The following PREX1 variants were observed in gnomAD, a reference collection of about 807,000 sequenced individuals.
PREX1 encodes the protein phosphatidylinositol-3,4,5-trisphosphate dependent Rac exchange factor 1.
PREX1 carries 41 observed loss-of-function variants against 198.3 expected under a neutral mutation model. That is an observed-to-expected ratio of 0.21 (90% CI 0.16 to 0.27). The LOEUF (loss-of-function observed/expected upper bound fraction) is 0.27. PREX1 is among the 10% of genes least tolerant of loss of function. The pLI, the probability that PREX1 is intolerant of heterozygous loss-of-function variation, is 1.00. For synonymous variants in PREX1, 843 were observed against 887.2 expected (o/e 0.95, Z 0.89); for missense variants, 1,620 against 2,200.7 (o/e 0.74, Z 5.28).
At chr20:48,713,758 AAGAG>A (rs1555837387) in intron 5 of PREX1, among the ~76,000 whole-genome samples, 8,285 of 150,250 alleles carry the variant, frequency 0.055, 336 homozygotes, top group Middle Eastern at 0.14. Context: ...AAAAAAAAAA[AAGAG>A]AGAGAGAGAT....
At chr20:48,646,918 T>C (rs1421312460) in intron 25 of PREX1, among the ~76,000 whole-genome samples, 3 of 152,200 alleles carry the variant, frequency 2.0e-5, no homozygotes, top group Non-Finnish European at 2.9e-5. Context: ...ATCTATATCT[T>C]AGGCTTCTGT....
intron 1 of PREX1, among the ~76,000 whole-genome samples, chr20:48,792,556 G>A (rs1173826837): frequency 2.6e-5 from 4 of 151,902 alleles, no homozygotes; most frequent in African/African-American, 4.8e-5. Context: ...TCACTCAATC[G>A]TCCCAAGAAA....
At chr20:48,748,635 G>GAA (rs2090120237) in intron 1 of PREX1, among the ~76,000 whole-genome samples, 2 of 152,162 alleles carry the variant, frequency 1.3e-5, no homozygotes, top group African/African-American at 4.8e-5. Context: ...AATGGACCAT[G>GAA]GTCCTTCTAC....
At chr20:48,632,906 G>A (rs1189650316) in intron 33 of PREX1, among the ~76,000 whole-genome samples, 1 of 152,174 alleles carries the variant, frequency 6.6e-6, no homozygotes, top group African/African-American at 2.4e-5. Context: ...TCAGCTCCTA[G>A]TTCCGCTGCT....
At chr20:48,766,813 GGTGA>G (rs1764148873) in intron 1 of PREX1, among the ~76,000 whole-genome samples, 3 of 152,174 alleles carry the variant, frequency 2.0e-5, no homozygotes, top group Admixed American at 2.0e-4. Context: ...GCTCATTCTT[GGTGA>G]GTGAGTGGAT....
At chr20:48,647,724 G>T (rs2089462062) in intron 25 of PREX1, among the ~76,000 whole-genome samples, 1 of 152,070 alleles carries the variant, frequency 6.6e-6, no homozygotes, top group Non-Finnish European at 1.5e-5. Context: ...GCCAGGATTT[G>T]AACCCAGGCC....
rs546128729 is a variant in PREX1 at position 48,805,436 on chromosome 20, G to A, written c.219+22206C>T. Among the ~76,000 whole-genome samples, 7 of 152,364 alleles carry A rather than the reference G, an allele frequency of 4.6e-5. No homozygotes were observed. In the South Asian group the frequency reaches 1.4e-3, roughly 32 times the overall value. On this transcript the variant is annotated intron_variant, in intron 1 of 39. Coordinates refer to ENST00000371941, the MANE Select transcript of PREX1 (RefSeq NM_020820.4). ...CTCTCTGCCAAGTGCAGCTCTTCAGGAGCAGAAACAGAGAGACCCCCTCCA... is the reference window on the plus strand; with the variant it reads ...CTCTCTGCCAAGTGCAGCTCTTCAGAAGCAGAAACAGAGAGACCCCCTCCA...
At chr20:48,841,104 A>G in the PREX1 span, among the ~76,000 whole-genome samples, 1 of 152,036 alleles carries the variant, frequency 6.6e-6, no homozygotes, top group Non-Finnish European at 1.5e-5. Flanking sequence ...CATGTTTTGC[A>G]GATACGGGGT....
Position 48,708,362 on chromosome 20 carries a change from C to T in PREX1, c.681G>A (p.Leu227=). 2 of 1,614,158 alleles carry T rather than the reference C, an allele frequency of 1.2e-6. No individual in the cohort carries two copies. Among genetic ancestry groups the T allele is most frequent in the Non-Finnish European group, 8.5e-7 (1 of 1,180,038 alleles). The change falls in exon 6 of 40, where the codon CTG becomes CTA. Residue 227 remains leucine (L), a synonymous_variant. Transcript: ENST00000371941. The part of the protein sequence containing the change: ...HPDHPAVQSA[L]QAMKTVCSNI... ...TGGAGCAAACGGTCTTCATGGCCTG[C>T]AGGGCACTCTGGACCGCGGGGTGGT...
intron 27 of PREX1, 122 bp downstream of exon 27, chr20:48,644,287 G>T (rs1386296430): frequency 2.1e-5 from 17 of 826,672 alleles, no homozygotes; most frequent in Admixed American, 9.3e-5. Context: ...ATCAAGTACA[G>T]GACCATGCAA....
chr20:48,755,575 C>T (rs766804112), intron 1 of PREX1, among the ~76,000 whole-genome samples: 11 of 152,110 alleles, frequency 7.2e-5, no homozygotes, highest in African/African-American at 1.7e-4. Flanking sequence ...ATTGCAAATG[C>T]GATGCCTGGA....
the PREX1 span, among the ~76,000 whole-genome samples, chr20:48,867,624 T>A: frequency 7.9e-4 from 120 of 152,150 alleles, no homozygotes; most frequent in African/African-American, 2.7e-3. Flanking sequence ...GCACCTGTAA[T>A]CCCAGTTACT....
intron 2 of PREX1, among the ~76,000 whole-genome samples, chr20:48,745,652 C>T (rs1221608795): frequency 6.6e-6 from 1 of 152,228 alleles, no homozygotes; most frequent in African/African-American, 2.4e-5. Context: ...GTTAGAAATA[C>T]GCTGTCTAAA....
chr20:48,740,535 G>A (rs1425476432), intron 3 of PREX1, among the ~76,000 whole-genome samples: 1 of 152,206 alleles, frequency 6.6e-6, no homozygotes, highest in Admixed American at 6.5e-5. Flanking sequence ...GGGACTATCA[G>A]TGGCTGGGGT....
chr20:48,760,446 C>T (rs1441278088), intron 1 of PREX1, among the ~76,000 whole-genome samples: 1 of 152,078 alleles, frequency 6.6e-6, no homozygotes, highest in African/African-American at 2.4e-5. Context: ...CAGCGCACCC[C>T]TCTGCCCTGC....
In PREX1 at chr20:48,660,076, A is replaced by ATG. The variant is rs777339734; in HGVS notation, c.1739-17_1739-16dup. Reference sequence around the variant, plus strand: ...CTTCTCCAGCACTGCAGATCCACAGATGTGCACTCAGTGGTCAGATTCACA... The same window carrying ATG: ...CTTCTCCAGCACTGCAGATCCACAGATGTGTGCACTCAGTGGTCAGATTCACA... On this transcript the variant is annotated splice_polypyrimidine_tract_variant and intron_variant, in intron 15 of 39. Transcript: ENST00000371941. 2.5e-6 allele frequency: 4 copies of ATG among 1,612,670 alleles called. No homozygotes were observed. Among genetic ancestry groups the ATG allele is most frequent in the Non-Finnish European group, 3.4e-6 (4 of 1,179,620 alleles).
intron 8 of PREX1, chr20:48,692,403 A>C: frequency 3.0e-6 from 1 of 328,682 alleles, no homozygotes; most frequent in Non-Finnish European, 5.6e-6. Flanking sequence ...AAAAGCAAGA[A>C]AATGATCATC....
intron 10 of PREX1, among the ~76,000 whole-genome samples, chr20:48,687,916 G>T (rs1245020929): frequency 6.6e-6 from 1 of 152,202 alleles, no homozygotes; most frequent in East Asian, 1.9e-4. Flanking sequence ...GCACTGAGAA[G>T]TTTATAGAAG....
At chr20:48,681,110 T>C (rs1189002470) in intron 11 of PREX1, 125 bp downstream of exon 11, 1 of 838,896 alleles carries the variant, frequency 1.2e-6, no homozygotes, top group Non-Finnish European at 1.9e-6. Context: ...CGGGCCACAC[T>C]GTGCCCAGAA....
Sources: allele counts gnomAD v4.1 joint callset (sites outside exome capture counted in the v4.1 genomes callset), GRCh38; gene constraint gnomAD v4.1.1; transcripts MANE v1.5; gene names NCBI Gene and HGNC (gene_info 2026-07-23, HGNC 2026-07-21).